Variants in FGD6 observed in about 807,000 individuals in gnomAD.
The protein encoded by FGD6 is FYVE, RhoGEF and PH domain-containing protein 6.
In FGD6, 90 loss-of-function variants were observed where a neutral mutation model predicts 149.4. The observed-to-expected ratio is 0.60, with a 90% CI of 0.51 to 0.72. FGD6 has a LOEUF of 0.72. Among genes scored for constraint, FGD6 ranks in the 30% least tolerant of loss-of-function variants. The pLI is 0.00. For synonymous variants in FGD6, 527 were observed against 584.0 expected (o/e 0.90, Z 1.41); for missense variants, 1,437 against 1,684.8 (o/e 0.85, Z 2.57).
At chr12:95,181,332 T>C (rs954838258) in intron 2 of FGD6, among the ~76,000 whole-genome samples, 2 of 152,134 alleles carry the variant, frequency 1.3e-5, no homozygotes, top group African/African-American at 2.4e-5. Context: ...GTAAAGATGA[T>C]CATGTGCTTC....
rs530198713 is a variant in FGD6, at chr12:95,172,205, G to A, written c.2586+395C>T. Among the ~76,000 whole-genome samples, 10 of 152,184 alleles carry A rather than the reference G, an allele frequency of 6.6e-5. 1 individual carries two copies. Among genetic ancestry groups the A allele is most frequent in the East Asian group, 3.9e-4 (2 of 5,170 alleles). On this transcript the variant is annotated intron_variant, in intron 3 of 20. Coordinates refer to ENST00000343958, the MANE Select transcript of FGD6 (RefSeq NM_018351.4). ...AGCCTGGCCAACATAGTGAAACCCC[G>A]TCTCTACTAAAAACACAAAAATTAG...
rs1407130455 is a variant in FGD6, at chr12:95,105,140, A to G, written c.3418-54T>C. ...ACTCATCCTACTGAAAACCATATCA[A>G]TGAGCTGAAGTTGTCCAATGGCCCT... On this transcript the variant is annotated intron_variant, in intron 13 of 20. Coordinates refer to ENST00000343958, the MANE Select transcript of FGD6 (RefSeq NM_018351.4). 2.6e-6 allele frequency: 4 copies of G among 1,514,740 alleles called. No homozygotes were observed. The African/African-American group carries it at 5.6e-5, about 21-fold the overall frequency. The allele number at this position is 1,514,740 out of a possible 1,614,324, so 93.8% of individuals were successfully genotyped here. A position where few individuals can be genotyped will look rare whatever the true frequency, so the allele number is the denominator to read the frequency against.
At chr12:95,154,119 C>T (rs1880398060) in intron 3 of FGD6, among the ~76,000 whole-genome samples, 2 of 152,050 alleles carry the variant, frequency 1.3e-5, no homozygotes, top group African/African-American at 4.8e-5. Context: ...GCCATCACGC[C>T]TGGCTAATTT....
At chr12:95,100,953 C>A in intron 14 of FGD6, 1 of 372,530 alleles carries the variant, frequency 2.7e-6, no homozygotes, top group Non-Finnish European at 5.2e-6. Flanking sequence ...CTACCACTGG[C>A]AGGAACTTGG....
chr12:95,212,881 T>C (rs560867170), intron 1 of FGD6, among the ~76,000 whole-genome samples: 3 of 152,366 alleles, frequency 2.0e-5, no homozygotes, highest in Admixed American at 6.5e-5. Context: ...TCTCTACTTC[T>C]ATGTGTGCAA....
chr12:95,100,751 A>C, intron 14 of FGD6: 1 of 505,440 alleles, frequency 2.0e-6, no homozygotes, highest in South Asian at 1.5e-5. Flanking sequence ...GCCTGGAGCA[A>C]GGATATCAAT....
chr12:95,211,583 A>C (rs1303351054), intron 1 of FGD6, among the ~76,000 whole-genome samples: 3 of 143,088 alleles, frequency 2.1e-5, no homozygotes, highest in East Asian at 2.0e-4. Flanking sequence ...CCTGTCGCCC[A>C]GGCTGGAGTG....
intron 2 of FGD6, chr12:95,189,731 A>C (rs970127730): frequency 1.3e-5 from 2 of 151,958 alleles, no homozygotes; most frequent in Non-Finnish European, 2.9e-5. Flanking sequence ...TCAAGTAACC[A>C]CTGGGTATAA....
chr12:95,214,610 C>A (rs964012138), intron 1 of FGD6, among the ~76,000 whole-genome samples: 1 of 152,174 alleles, frequency 6.6e-6, no homozygotes, highest in Admixed American at 6.5e-5. Context: ...AGCAGCAAAT[C>A]TTTTATTTAC....
In FGD6 at chr12:95,210,185, T is replaced by C. The variant is rs1243525132; in HGVS notation, c.1099A>G (p.Asn367Asp). 1 of 1,613,990 alleles carries C rather than the reference T, an allele frequency of 6.2e-7. No individual in the cohort carries two copies. The highest frequency in any genetic ancestry group is 1.7e-5 in the Admixed American group (1 of 60,004). Residue 367 changes from asparagine (N) to aspartate (D), a missense_variant, in exon 2 of 21, where the codon AAT becomes GAT. Physicochemically the swap from Asn to Asp is conservative, Grantham distance 23. Transcript: ENST00000343958. ...ACCTGTTCCTGCTTACACAAAACAT[T>C]CTGATGCAGAACACTGATTTTATTG... Reference protein sequence around the residue: ...KINKISVLHQNVLCKQEQVDK... With the variant: ...KINKISVLHQDVLCKQEQVDK...
At chr12:95,140,741 A>G (rs752244283) in intron 6 of FGD6, among the ~76,000 whole-genome samples, 1 of 152,254 alleles carries the variant, frequency 6.6e-6, no homozygotes, top group Non-Finnish European at 1.5e-5. Flanking sequence ...AAACATTTAG[A>G]AACTATTCTA....
chr12:95,161,088 G>A (rs1467851711), intron 3 of FGD6, among the ~76,000 whole-genome samples: 2 of 151,882 alleles, frequency 1.3e-5, no homozygotes, highest in African/African-American at 4.8e-5. Flanking sequence ...GCTGAGACAG[G>A]AGAATTGCTT....
intron 5 of FGD6, among the ~76,000 whole-genome samples, chr12:95,147,786 C>T (rs1345299144): frequency 6.6e-6 from 1 of 152,068 alleles, no homozygotes; most frequent in African/African-American, 2.4e-5. Context: ...AGGATTAAAA[C>T]AGATAATTGA....
At position 95,174,121 on chromosome 12, in the gene FGD6, G is replaced by C. The variant is rs867011971; in HGVS notation, c.2442-1377C>G. Among the ~76,000 whole-genome samples, 10 of 152,214 alleles carry C rather than the reference G, an allele frequency of 6.6e-5. No individual in the cohort carries two copies. The South Asian group carries it at 2.1e-3, about 32-fold the overall frequency. On this transcript the variant is annotated intron_variant, in intron 2 of 20. Transcript: ENST00000343958. Reference sequence around the variant, plus strand: ...TGCATACTTTATCACAGCTCCCCAAGACATGCAGGAGACTCACTCCCCGGG... The same window carrying C: ...TGCATACTTTATCACAGCTCCCCAACACATGCAGGAGACTCACTCCCCGGG...
intron 8 of FGD6, among the ~76,000 whole-genome samples, chr12:95,120,397 A>C (rs913793195): frequency 1.3e-5 from 2 of 151,558 alleles, no homozygotes; most frequent in Non-Finnish European, 2.9e-5. Flanking sequence ...AAGTTAAAAA[A>C]AATTTTAGGC....
chr12:95,107,857 G>A (rs1285762952), intron 11 of FGD6, among the ~76,000 whole-genome samples: 1 of 152,106 alleles, frequency 6.6e-6, no homozygotes, highest in Non-Finnish European at 1.5e-5. Flanking sequence ...CTGGGATACT[G>A]TATGGAGGCA....
chr12:95,166,303 C>T (rs1246733776), intron 3 of FGD6, among the ~76,000 whole-genome samples: 2 of 152,244 alleles, frequency 1.3e-5, no homozygotes, highest in African/African-American at 2.4e-5. Context: ...ATACATTACT[C>T]TGTACAAATC....
chr12:95,207,883 G>T (rs1426177304), intron 2 of FGD6, among the ~76,000 whole-genome samples: 1 of 152,168 alleles, frequency 6.6e-6, no homozygotes, highest in Non-Finnish European at 1.5e-5. Flanking sequence ...TGAGGGGGTG[G>T]ATTATTGAGG....
intron 9 of FGD6, among the ~76,000 whole-genome samples, chr12:95,111,350 T>C (rs1448735747): frequency 6.6e-6 from 1 of 152,160 alleles, no homozygotes; most frequent in Non-Finnish European, 1.5e-5. Flanking sequence ...TTTTCTCATC[T>C]ATGTCTTTGC....
Sources: allele counts gnomAD v4.1 joint callset (sites outside exome capture counted in the v4.1 genomes callset), GRCh38; gene constraint gnomAD v4.1.1; transcripts MANE v1.5; gene names NCBI Gene and HGNC (gene_info 2026-07-23, HGNC 2026-07-21).